KIF6: variants seen among roughly 807,000 people sequenced by gnomAD.
KIF6 encodes kinesin family member 6, also known as kinesin-like protein KIF6.
In KIF6, 106 loss-of-function variants were observed where a neutral mutation model predicts 112.7. That is an observed-to-expected ratio of 0.94 (90% CI 0.80 to 1.11). The LOEUF (loss-of-function observed/expected upper bound fraction) is 1.11. Ranked by LOEUF, KIF6 falls within the 50% of genes least tolerant of loss-of-function variation. KIF6 has a pLI of 0.00. For missense variants in KIF6, 929 were observed against 964.0 expected (o/e 0.96, Z 0.48); for synonymous variants, 339 against 339.9 (o/e 1.00, Z 0.03).
chr6:39,684,430 A>C (rs946432799), intron 3 of KIF6, among the ~76,000 whole-genome samples: 3 of 152,102 alleles, frequency 2.0e-5, no homozygotes, highest in African/African-American at 7.2e-5. Flanking sequence ...AGCCTGACCA[A>C]CATGGAGAAA....
At chr6:39,428,960 T>C (rs1770951453) in intron 14 of KIF6, among the ~76,000 whole-genome samples, 1 of 152,170 alleles carries the variant, frequency 6.6e-6, no homozygotes, top group Admixed American at 6.5e-5. Context: ...GCCTGGAGTA[T>C]GTCCCCTTAT....
chr6:39,673,682 C>T (rs981336545), intron 3 of KIF6, among the ~76,000 whole-genome samples: 1 of 152,042 alleles, frequency 6.6e-6, no homozygotes, highest in African/African-American at 2.4e-5. Flanking sequence ...GACTGTGACA[C>T]TAAATATGGG....
intron 6 of KIF6, among the ~76,000 whole-genome samples, chr6:39,607,362 C>T (rs955318166): frequency 1.3e-5 from 2 of 151,966 alleles, no homozygotes; most frequent in African/African-American, 2.4e-5. Flanking sequence ...CACAGAAGTG[C>T]TATTTAAAGA....
Position 39,335,162 on chromosome 6 carries a change from C to A in KIF6, c.*1370G>T, listed in dbSNP as rs114582772. ...CAGGTATTTCAAAAATAGGCAAGTT[C>A]GGAAGGATAACATGTCAGATAGTGA... is the stretch of plus-strand genomic sequence containing the variant. On this transcript the variant is annotated 3_prime_UTR_variant, in exon 23 of 23. Transcript: ENST00000287152. 1 of 151,998 alleles carries A rather than the reference C, an allele frequency of 6.6e-6. No individual in the cohort carries two copies. The highest frequency in any genetic ancestry group is 2.4e-5 in the African/African-American group (1 of 41,348). 9.4% of individuals were successfully genotyped at this position (151,998 alleles called of 1,614,324 possible).
chr6:39,492,806 G>A (rs945255747), intron 13 of KIF6, among the ~76,000 whole-genome samples: 25 of 152,168 alleles, frequency 1.6e-4, no homozygotes, highest in African/African-American at 3.6e-4. Flanking sequence ...AACAACACCT[G>A]GACTTGATTT....
intron 13 of KIF6, among the ~76,000 whole-genome samples, chr6:39,496,569 AC>A (rs538337887): frequency 5.3e-4 from 80 of 151,658 alleles, no homozygotes; most frequent in South Asian, 1.0e-3. Context: ...AAAAGTGACT[AC>A]CCCCCCAACT....
chr6:39,506,965 G>A (rs139556582), intron 13 of KIF6, among the ~76,000 whole-genome samples: 33 of 152,300 alleles, frequency 2.2e-4, no homozygotes, highest in Admixed American at 5.2e-4. Context: ...CTTGCCCTGT[G>A]CCTCTCTTCC....
intron 18 of KIF6, 77 bp from the exon 19 acceptor site, chr6:39,357,451 T>TC: frequency 1.8e-6 from 1 of 555,268 alleles, no homozygotes; most frequent in East Asian, 4.2e-5. Flanking sequence ...TGTAATTCTT[T>TC]TTTTTTTTTT....
At chr6:39,502,213 C>T (rs886933147) in intron 13 of KIF6, among the ~76,000 whole-genome samples, 2 of 152,028 alleles carry the variant, frequency 1.3e-5, no homozygotes, top group South Asian at 4.2e-4. Context: ...AATTTCCAAA[C>T]CAGAATTTCA....
intron 3 of KIF6, among the ~76,000 whole-genome samples, chr6:39,678,358 T>A (rs896318386): frequency 7.2e-5 from 11 of 152,240 alleles, no homozygotes; most frequent in Non-Finnish European, 1.6e-4. Context: ...TGGAATCATG[T>A]GTCAGGTGGA....
chr6:39,725,205 G>T (rs772197268), intron 1 of KIF6, 40 bp downstream of exon 1: 1 of 1,579,384 alleles, frequency 6.3e-7, no homozygotes. Context: ...CAGCCCAAGA[G>T]GCCCCGCCGC....
intron 13 of KIF6, among the ~76,000 whole-genome samples, chr6:39,475,381 C>T (rs547085361): frequency 6.6e-6 from 1 of 152,306 alleles, no homozygotes; most frequent in East Asian, 1.9e-4. Flanking sequence ...AACATAACAA[C>T]AGAAAAGAAC....
intron 7 of KIF6, among the ~76,000 whole-genome samples, chr6:39,592,534 G>A (rs768057562): frequency 6.6e-6 from 1 of 152,172 alleles, no homozygotes; most frequent in East Asian, 1.9e-4. Context: ...TTCCATAGCA[G>A]TACAGAGCAA....
intron 13 of KIF6, among the ~76,000 whole-genome samples, chr6:39,530,393 A>G (rs1198236710): frequency 6.6e-6 from 1 of 152,252 alleles, no homozygotes; most frequent in Non-Finnish European, 1.5e-5. Context: ...AAACTAAAAC[A>G]GAAAGAAATT....
chr6:39,337,082 T>C (rs1762969643), intron 22 of KIF6, among the ~76,000 whole-genome samples: 1 of 145,872 alleles, frequency 6.9e-6, no homozygotes, highest in Admixed American at 6.8e-5. Context: ...TTCCTTTCTT[T>C]CCTTCTTTCC....
At chr6:39,478,764 A>AT (rs1318356826) in intron 13 of KIF6, among the ~76,000 whole-genome samples, 21 of 122,850 alleles carry the variant, frequency 1.7e-4, no homozygotes, top group African/African-American at 1.2e-4. Context: ...GCCAACATCT[A>AT]TTTTTTTTAA....
At chr6:39,399,100 C>G (rs9367005) in intron 15 of KIF6, among the ~76,000 whole-genome samples, 5,320 of 152,324 alleles carry the variant, frequency 0.035, 217 homozygotes, top group East Asian at 0.23. Flanking sequence ...TAGGCTTGCC[C>G]TGTTCGAGTT....
chr6:39,437,716 T>C (rs1771623718), intron 13 of KIF6, among the ~76,000 whole-genome samples: 1 of 152,158 alleles, frequency 6.6e-6, no homozygotes, highest in South Asian at 2.1e-4. Flanking sequence ...AAAATGCAAC[T>C]ACAGTCCTGC....
At chr6:39,340,282 T>C (rs549865348) in intron 22 of KIF6, among the ~76,000 whole-genome samples, 2 of 152,332 alleles carry the variant, frequency 1.3e-5, no homozygotes, top group Admixed American at 6.5e-5. Flanking sequence ...ATGAATTACT[T>C]CCAGGCTGCT....
Sources: gnomAD v4.1 joint callset for allele counts (sites outside exome capture counted in the v4.1 genomes callset) on GRCh38, gnomAD v4.1.1 for gene constraint, MANE v1.5 for transcripts, NCBI Gene and HGNC (gene_info 2026-07-23, HGNC 2026-07-21) for gene names.